The following EFCAB5 variants were observed in gnomAD, a reference collection of about 807,000 sequenced individuals.
EFCAB5 encodes EF-hand calcium-binding domain-containing protein 5.
EFCAB5 carries 131 observed loss-of-function variants against 167.9 expected under a neutral mutation model. That is an observed-to-expected ratio of 0.78 (90% CI 0.68 to 0.90). The LOEUF (loss-of-function observed/expected upper bound fraction) is 0.90. Ranked by LOEUF, EFCAB5 falls within the 40% of genes least tolerant of loss-of-function variation. The pLI is 0.00. For synonymous variants in EFCAB5, 574 were observed against 602.8 expected (o/e 0.95, Z 0.70); for missense variants, 1,663 against 1,745.2 (o/e 0.95, Z 0.84).
At chr17:29,941,253 A>G (rs1352190750), upstream of EFCAB5, among the ~76,000 whole-genome samples, 1 of 152,156 alleles carries the variant, frequency 6.6e-6, no homozygotes, top group African/African-American at 2.4e-5. Flanking sequence ...CATTTGCAGT[A>G]AAGTGGGGAT....
chr17:30,056,395 G>A (rs572179807), intron 12 of EFCAB5, among the ~76,000 whole-genome samples: 2 of 152,188 alleles, frequency 1.3e-5, no homozygotes, highest in East Asian at 3.9e-4. Context: ...AAAACTTATG[G>A]CATTAGTACC....
intron 17 of EFCAB5, among the ~76,000 whole-genome samples, chr17:30,082,218 C>T (rs182939358): frequency 1.2e-3 from 180 of 152,268 alleles, no homozygotes; most frequent in African/African-American, 4.0e-3. Flanking sequence ...ATCAAGGCAG[C>T]TCCTACCCAC....
At chr17:29,942,811 G>A (rs1293212005) in intron 2 of EFCAB5, among the ~76,000 whole-genome samples, 1 of 152,168 alleles carries the variant, frequency 6.6e-6, no homozygotes, top group East Asian at 1.9e-4. Context: ...GGAGACCGAG[G>A]TGGATCACTT....
chr17:30,077,684 C>T (rs2070895556), intron 14 of EFCAB5, among the ~76,000 whole-genome samples: 1 of 152,164 alleles, frequency 6.6e-6, no homozygotes, highest in African/African-American at 2.4e-5. Context: ...TCCTATATGG[C>T]CTTACGGGCA....
At chr17:30,057,022 G>A (rs903721274) in intron 12 of EFCAB5, among the ~76,000 whole-genome samples, 1 of 152,280 alleles carries the variant, frequency 6.6e-6, no homozygotes, top group Non-Finnish European at 1.5e-5. Context: ...TCACTTTGCT[G>A]ACATTTTATG....
In EFCAB5 at chr17:30,032,303, T is replaced by C. The variant is rs149318945; in HGVS notation, c.1045-1927T>C. Reference sequence around the variant, plus strand: ...TTTGCATTTCATCTGTTTCTCTCCATAACAGACTTTCCCGGCAGTCTCAGT... The same window carrying C: ...TTTGCATTTCATCTGTTTCTCTCCACAACAGACTTTCCCGGCAGTCTCAGT... On this transcript the variant is annotated intron_variant, in intron 7 of 22. Coordinates refer to ENST00000394835, the MANE Select transcript of EFCAB5 (RefSeq NM_198529.4). Among the ~76,000 whole-genome samples, 962 of 152,304 alleles carry C rather than the reference T, an allele frequency of 6.3e-3. 5 individuals are homozygous for C. Among genetic ancestry groups the C allele is most frequent in the African/African-American group, 0.022 (923 of 41,550 alleles).
At chr17:30,025,897 T>C (rs975908224) in intron 7 of EFCAB5, among the ~76,000 whole-genome samples, 7 of 152,058 alleles carry the variant, frequency 4.6e-5, no homozygotes, top group African/African-American at 1.7e-4. Flanking sequence ...GAAATCATCA[T>C]TCTCAGTAAA....
chr17:30,106,355 C>T (rs1018169680), intron 22 of EFCAB5, among the ~76,000 whole-genome samples: 2 of 151,802 alleles, frequency 1.3e-5, no homozygotes, highest in Non-Finnish European at 2.9e-5. Context: ...CTCAAATCAG[C>T]AAACATGTAT....
Position 30,108,043 on chromosome 17 carries a change from T to A in EFCAB5, c.*19T>A, listed in dbSNP as rs755051986. Reference sequence around the variant, plus strand: ...GAAGTGATAATGGATGATAATGGAATTGATACTGTATTTAGGATCCTTTGT... The same window carrying A: ...GAAGTGATAATGGATGATAATGGAAATGATACTGTATTTAGGATCCTTTGT... On this transcript the variant is annotated 3_prime_UTR_variant, in exon 23 of 23. Coordinates refer to ENST00000394835, the MANE Select transcript of EFCAB5 (RefSeq NM_198529.4). 1 of 1,591,492 alleles carries A rather than the reference T, an allele frequency of 6.3e-7. No individual in the cohort carries two copies. The highest frequency in any genetic ancestry group is 1.9e-5 in the Admixed American group (1 of 53,432).
intron 3 of EFCAB5, among the ~76,000 whole-genome samples, chr17:29,966,624 G>T (rs2067833198): frequency 6.6e-6 from 1 of 152,132 alleles, no homozygotes; most frequent in South Asian, 2.1e-4. Context: ...TGTTAATAAT[G>T]ATTGTTAGGC....
rs2070151947 is a variant in EFCAB5, at chr17:30,053,272, GA to G, written c.1320del (p.Glu441ArgfsTer2). 6.2e-7 allele frequency: 1 copy of G among 1,603,602 alleles called. No homozygotes were observed. The highest frequency in any genetic ancestry group is 1.3e-5 in the African/African-American group (1 of 74,346). On this transcript the variant is annotated frameshift_variant, in exon 10 of 23. Transcript: ENST00000394835. LOFTEE classifies it high-confidence loss of function. The part of the protein sequence containing the change: ...NPRQWPFIEF[E>X]EINLTELWGD... ...TGCATTAGGGCCATTCATTGAATTT[GA>G]AGAGATAAACTTGACTGAGTTGTGG...
Position 30,057,866 on chromosome 17 carries a change from A to G in EFCAB5, c.2556A>G (p.Gln852=). Residue 852 remains glutamine (Q), a synonymous_variant, in exon 13 of 23, where the codon CAA becomes CAG. Transcript: ENST00000394835. ...AGGAGGGCTATGTTGAAACAGAACA[A>G]GAGAAAATGAATGCCTTAGAACAGG... ...FFKEGYVETE[Q]EKMNALEQFS... The G allele has an allele frequency of 6.2e-7, 1 of 1,613,678 alleles. No homozygotes were observed. The highest frequency in any genetic ancestry group is 2.2e-5 in the East Asian group (1 of 44,872).
chr17:30,097,017 TAC>T lies in EFCAB5; in HGVS notation c.4321+4083_4321+4084del, dbSNP rs1567777242. The stretch of plus-strand genomic sequence containing the variant: ...ATACATATACATATACATATACATA[TAC>T]ATATACATATACATATACATATACA... On this transcript the variant is annotated intron_variant, in intron 22 of 22. Transcript: ENST00000394835. Among the ~76,000 whole-genome samples the T allele has an allele frequency of 9.1e-4, 108 of 118,550 alleles. 1 individual carries two copies. Among genetic ancestry groups the T allele is most frequent in the African/African-American group, 4.2e-3 (107 of 25,428 alleles). The allele number at this position is 118,550 out of a possible 152,430, so 77.8% of individuals were successfully genotyped here.
chr17:30,100,193 T>C (rs2071362085), intron 22 of EFCAB5, among the ~76,000 whole-genome samples: 1 of 152,138 alleles, frequency 6.6e-6, no homozygotes, highest in Admixed American at 6.5e-5. Flanking sequence ...TGTCTTTCAC[T>C]CAACTAAAAT....
intron 22 of EFCAB5, among the ~76,000 whole-genome samples, chr17:30,105,465 C>T (rs1466756523): frequency 1.3e-5 from 2 of 151,892 alleles, no homozygotes; most frequent in African/African-American, 2.4e-5. Context: ...CCAGCCTGGG[C>T]GACAGAGTGA....
intron 7 of EFCAB5, among the ~76,000 whole-genome samples, chr17:30,016,995 T>C (rs866135523): frequency 7.2e-5 from 11 of 151,900 alleles, no homozygotes; most frequent in African/African-American, 2.4e-4. Context: ...CTGGGCAACA[T>C]AGGAAGACCT....
chr17:30,077,778 A>G (rs2070897542), intron 14 of EFCAB5, among the ~76,000 whole-genome samples: 1 of 152,214 alleles, frequency 6.6e-6, no homozygotes, highest in South Asian at 2.1e-4. Flanking sequence ...TTTTAATTTA[A>G]TTTTACAAAC....
intron 3 of EFCAB5, among the ~76,000 whole-genome samples, chr17:29,956,843 G>C (rs1567677242): frequency 6.6e-6 from 1 of 152,048 alleles, no homozygotes; most frequent in African/African-American, 2.4e-5. Flanking sequence ...GAGGGAGAGA[G>C]AGAAAGAAAG....
intron 7 of EFCAB5, among the ~76,000 whole-genome samples, chr17:30,032,256 T>G (rs1597699760): frequency 6.6e-6 from 1 of 152,172 alleles, no homozygotes. Flanking sequence ...ACTTGGAAAG[T>G]GTTAAGACTG....
Sources: gnomAD v4.1 joint callset for allele counts (sites outside exome capture counted in the v4.1 genomes callset) on GRCh38, gnomAD v4.1.1 for gene constraint, MANE v1.5 for transcripts, NCBI Gene and HGNC (gene_info 2026-07-23, HGNC 2026-07-21) for gene names.